ABCA12: variants seen among roughly 807,000 people sequenced by gnomAD.
The protein encoded by ABCA12 is glucosylceramide transporter ABCA12.
Under a neutral mutation model 293.5 loss-of-function variants are expected in ABCA12, and 156 were observed. That is an observed-to-expected ratio of 0.53 (90% confidence interval 0.47 to 0.61). The LOEUF is 0.61. Ranked by LOEUF, ABCA12 falls within the 20% of genes least tolerant of loss-of-function variation. The probability of loss-of-function intolerance (pLI) is 0.00; values close to 1 mark genes in which losing one functional copy is unlikely to be tolerated. For missense variants in ABCA12, 2,797 were observed against 3,090.2 expected (o/e 0.91, Z 2.25); for synonymous variants, 1,063 against 1,108.0 (o/e 0.96, Z 0.81).
chr2:214,984,013 A>G (rs1235006487), intron 28 of ABCA12, 148 bp from the exon 29 acceptor site: 8 of 651,220 alleles, frequency 1.2e-5, no homozygotes, highest in African/African-American at 1.8e-5. Flanking sequence ...ATTTAATGGG[A>G]ATAAGAAATA....
Position 215,127,692 on chromosome 2 carries a change from G to A in ABCA12, c.69+10448C>T, listed in dbSNP as rs990738083. 2.0e-5 allele frequency among the ~76,000 whole-genome samples: 3 copies of A among 152,056 alleles called. No individual in the cohort carries two copies. In the South Asian group the frequency reaches 6.2e-4, roughly 32 times the overall value. On this transcript the variant is annotated intron_variant, in intron 1 of 52. Coordinates refer to ENST00000272895, the MANE Select transcript of ABCA12 (RefSeq NM_173076.3). ...TTTAAGTTTGTGTGACTCCTTTTGT[G>A]CTAGATGGGTCTCCTGAAGGCAGCA...
At chr2:215,114,656 C>T (rs1476331495) in intron 1 of ABCA12, among the ~76,000 whole-genome samples, 2 of 152,092 alleles carry the variant, frequency 1.3e-5, no homozygotes, top group Non-Finnish European at 2.9e-5. Flanking sequence ...AAATGTAAGA[C>T]GTGTTATTAT....
At chr2:215,129,817 A>T (rs1238488949) in intron 1 of ABCA12, among the ~76,000 whole-genome samples, 2 of 152,128 alleles carry the variant, frequency 1.3e-5, no homozygotes, top group Non-Finnish European at 2.9e-5. Context: ...GCTAATGTCC[A>T]GAAAAGTTTT....
chr2:215,053,213 A>C (rs974086748), intron 4 of ABCA12, among the ~76,000 whole-genome samples: 1 of 152,070 alleles, frequency 6.6e-6, no homozygotes, highest in Non-Finnish European at 1.5e-5. Context: ...CTGGGTTTGG[A>C]GCATTAGCTA....
At chr2:215,073,142 G>A (rs6744831) in intron 2 of ABCA12, among the ~76,000 whole-genome samples, 63,902 of 151,988 alleles carry the variant, frequency 0.42, 15,338 homozygotes, top group South Asian at 0.57. Context: ...TGAGTTCTAC[G>A]GCTCATCTGG....
At chr2:214,955,120 T>C (rs1163319337) in intron 43 of ABCA12, 82 bp downstream of exon 43, 1 of 1,508,940 alleles carries the variant, frequency 6.6e-7, no homozygotes, top group African/African-American at 1.4e-5. Flanking sequence ...GATATTCTTC[T>C]TTTTTATGTA....
rs371690106 is a variant in ABCA12 at position 215,016,512 on chromosome 2, G to A, written c.1783-849C>T. 9.1e-5 allele frequency among the ~76,000 whole-genome samples: 13 copies of A among 142,300 alleles called. No individual in the cohort carries two copies. The East Asian group carries it at 2.4e-3, about 26-fold the overall frequency. 93.4% of individuals were successfully genotyped at this position (142,300 alleles called of 152,430 possible). ...GCAGGAGAATGGTGAGAACCCGGGA[G>A]GCGGAGCTTGCAGTGAGCGGAGATT... On this transcript the variant is annotated intron_variant, in intron 14 of 52. Transcript: ENST00000272895.
intron 44 of ABCA12, among the ~76,000 whole-genome samples, chr2:214,952,978 G>A (rs1490760134): frequency 3.3e-5 from 5 of 152,026 alleles, no homozygotes; most frequent in Admixed American, 6.5e-5. Context: ...AAATGGTACC[G>A]AAGATGACAG....
chr2:214,965,085 C>T (rs1699221039), intron 39 of ABCA12, among the ~76,000 whole-genome samples: 1 of 152,036 alleles, frequency 6.6e-6, no homozygotes, highest in African/African-American at 2.4e-5. Context: ...TACCTACGAC[C>T]ATCTGATCTC....
In ABCA12 at chr2:214,990,714, C is replaced by T. The variant is rs1699892445; in HGVS notation, c.3612G>A (p.Leu1204=). ...VTVENELSYV[L]KVFMSLLSPT... ...ACGGTTGACTTACCATGAACACTTT[C>T]AATACATAGCTCAACTCATTCTCCA... The change falls in exon 24 of 53, where the codon TTG becomes TTA. Residue 1204 remains leucine, a synonymous_variant. Transcript: ENST00000272895. The T allele has an allele frequency of 6.2e-7, 1 of 1,613,890 alleles. No individual in the cohort carries two copies. The highest frequency in any genetic ancestry group is 1.3e-5 in the African/African-American group (1 of 74,912).
Position 215,105,128 on chromosome 2 carries a change from G to A in ABCA12, c.163+6469C>T, listed in dbSNP as rs114336424. Among the ~76,000 whole-genome samples, 723 of 152,256 alleles carry A rather than the reference G, an allele frequency of 4.7e-3. 5 individuals are homozygous for A. The highest frequency in any genetic ancestry group is 0.016 in the African/African-American group (680 of 41,546). On this transcript the variant is annotated intron_variant, in intron 2 of 52. Transcript: ENST00000272895. ...TTAGGAACCATGCTATACCTTGTGC[G>A]TACAGTGGTATGATGTGATTTCTGC...
intron 9 of ABCA12, among the ~76,000 whole-genome samples, 159 bp from the exon 10 acceptor site, chr2:215,027,097 C>T: frequency 6.6e-6 from 1 of 152,210 alleles, no homozygotes; most frequent in East Asian, 1.9e-4. Flanking sequence ...GTAATCCTAG[C>T]ACTTCGGGAG....
intron 1 of ABCA12, among the ~76,000 whole-genome samples, chr2:215,128,603 A>G (rs1166636083): frequency 6.6e-6 from 1 of 152,024 alleles, no homozygotes; most frequent in Non-Finnish European, 1.5e-5. Context: ...GACTTTCCAG[A>G]GCACTTTGCA....
chr2:215,036,451 T>C (rs1326336633), intron 8 of ABCA12, among the ~76,000 whole-genome samples: 1 of 152,176 alleles, frequency 6.6e-6, no homozygotes, highest in Non-Finnish European at 1.5e-5. Flanking sequence ...TCCAAACCTT[T>C]GTCTGTATGT....
intron 49 of ABCA12, among the ~76,000 whole-genome samples, chr2:214,944,138 CG>C (rs956437911): frequency 2.0e-5 from 3 of 150,828 alleles, no homozygotes; most frequent in African/African-American, 7.4e-5. Context: ...TCAGGCCAGG[CG>C]GGGTGGCTCA....
At chr2:214,978,210 G>A (rs1379746721) in intron 33 of ABCA12, 106 bp downstream of exon 33, 1 of 1,327,816 alleles carries the variant, frequency 7.5e-7, no homozygotes, top group Non-Finnish European at 1.1e-6. Flanking sequence ...TTTGAATTTA[G>A]AATGAAACTT....
chr2:215,109,115 T>G (rs986574283), intron 2 of ABCA12, among the ~76,000 whole-genome samples: 2 of 152,088 alleles, frequency 1.3e-5, no homozygotes, highest in Non-Finnish European at 2.9e-5. Flanking sequence ...CTACCAGTCT[T>G]ACATTCTCCA....
intron 26 of ABCA12, among the ~76,000 whole-genome samples, chr2:214,988,866 A>C (rs1699844478): frequency 1.3e-5 from 2 of 151,926 alleles, no homozygotes; most frequent in African/African-American, 2.4e-5. Flanking sequence ...TATGGCAAAT[A>C]AGATTTTTTT....
Position 214,958,449 on chromosome 2 carries a change from C to G in ABCA12, c.5945G>C (p.Ser1982Thr), listed in dbSNP as rs1485261938. The G allele has an allele frequency of 6.2e-7, 1 of 1,613,656 alleles. No homozygotes were observed. The change falls in exon 41 of 53, where the codon AGC becomes ACC. Residue 1982 changes from serine (S) to threonine (T), a missense_variant. Ser to Thr is a moderately conservative substitution (Grantham distance 58). This residue lies in a region of ABCA12 where 2,130 missense variants were observed against 2,427.0 expected (regional missense o/e 0.88). Coordinates refer to ENST00000272895, the MANE Select transcript of ABCA12 (RefSeq NM_173076.3). Reference sequence around the variant, plus strand: ...TGCCACTAAAATATCGATTAAACTGCTGATTCTAGAGTGAGCAATAGGGAG... The same window carrying G: ...TGCCACTAAAATATCGATTAAACTGGTGATTCTAGAGTGAGCAATAGGGAG... ...GVQDQEQATI[S>T]SLIDILVALS...
Sources: allele counts gnomAD v4.1 joint callset (sites outside exome capture counted in the v4.1 genomes callset), GRCh38; gene constraint gnomAD v4.1.1; regional missense constraint gnomAD v4.1.1; transcripts MANE v1.5; gene names NCBI Gene and HGNC (gene_info 2026-07-23, HGNC 2026-07-21).